B3GALT1: variants seen among roughly 807,000 people sequenced by gnomAD.
B3GALT1 encodes the protein beta-1,3-galactosyltransferase 1.
B3GALT1 carries 10 observed loss-of-function variants against 23.2 expected under a neutral mutation model. The observed-to-expected ratio is 0.43, with a 90% confidence interval of 0.27 to 0.73. The LOEUF (loss-of-function observed/expected upper bound fraction) is 0.73. Among genes scored for constraint, B3GALT1 ranks in the 30% least tolerant of loss-of-function variants. The pLI is 0.21. For synonymous variants in B3GALT1, 156 were observed against 141.5 expected (o/e 1.10, Z -0.73); for missense variants, 299 against 405.4 (o/e 0.74, Z 2.25).
chr2:167,773,593 T>A (rs1279715343), intron 3 of B3GALT1, among the ~76,000 whole-genome samples: 2 of 152,208 alleles, frequency 1.3e-5, no homozygotes, highest in Non-Finnish European at 2.9e-5. Flanking sequence ...TGGCAGACCC[T>A]TCAATTCTAC....
At chr2:167,724,326 C>G (rs1004178506) in intron 3 of B3GALT1, among the ~76,000 whole-genome samples, 1 of 152,198 alleles carries the variant, frequency 6.6e-6, no homozygotes, top group African/African-American at 2.4e-5. Context: ...CACATCAAAA[C>G]AAGTAAATAA....
intron 1 of B3GALT1, among the ~76,000 whole-genome samples, chr2:167,354,099 G>A (rs1016506592): frequency 2.6e-5 from 4 of 152,114 alleles, no homozygotes; most frequent in African/African-American, 7.2e-5. Context: ...TACCACTTAT[G>A]TGTCAGCTCC....
At chr2:167,523,468 C>T (rs910540595) in intron 2 of B3GALT1, among the ~76,000 whole-genome samples, 7 of 151,116 alleles carry the variant, frequency 4.6e-5, no homozygotes, top group Admixed American at 3.3e-4. Flanking sequence ...TCCTGTCACC[C>T]AGGCTGGAGT....
At chr2:167,583,394 A>T (rs902106261) in intron 2 of B3GALT1, among the ~76,000 whole-genome samples, 2 of 152,216 alleles carry the variant, frequency 1.3e-5, no homozygotes, top group African/African-American at 4.8e-5. Flanking sequence ...CATACGTTAA[A>T]GAAATTTAAG....
chr2:167,793,253 T>A (rs1022998495), intron 3 of B3GALT1, among the ~76,000 whole-genome samples: 17 of 152,226 alleles, frequency 1.1e-4, no homozygotes, highest in African/African-American at 3.4e-4. Flanking sequence ...GTGCACCTAG[T>A]GCTTCTTTTT....
At chr2:167,492,697 G>T (rs1427312465) in intron 2 of B3GALT1, among the ~76,000 whole-genome samples, 2 of 152,090 alleles carry the variant, frequency 1.3e-5, no homozygotes, top group Non-Finnish European at 2.9e-5. Flanking sequence ...GTTTTTCATG[G>T]TCTCATGTTC....
At chr2:167,743,164 A>G (rs1182874324) in intron 3 of B3GALT1, among the ~76,000 whole-genome samples, 2 of 152,086 alleles carry the variant, frequency 1.3e-5, no homozygotes, top group African/African-American at 4.8e-5. Context: ...TATTTACCCA[A>G]ACTCCTACTA....
chr2:167,821,227 T>C (rs1377660165), intron 4 of B3GALT1, among the ~76,000 whole-genome samples: 4 of 152,100 alleles, frequency 2.6e-5, no homozygotes, highest in East Asian at 3.9e-4. Context: ...TTTCTAATAT[T>C]CTGGCAACAG....
At chr2:167,555,023 G>GT (rs1399329301) in intron 2 of B3GALT1, among the ~76,000 whole-genome samples, 2 of 152,168 alleles carry the variant, frequency 1.3e-5, no homozygotes, top group Non-Finnish European at 2.9e-5. Flanking sequence ...CAGAAATGAC[G>GT]TATGTGCTGA....
chr2:167,473,498 A>T (rs1047051106), intron 1 of B3GALT1, among the ~76,000 whole-genome samples: 1 of 152,174 alleles, frequency 6.6e-6, no homozygotes, highest in African/African-American at 2.4e-5. Context: ...ACAGTGGATC[A>T]TTAGGAAGGT....
At chr2:167,395,530 C>G (rs1027161299) in intron 1 of B3GALT1, among the ~76,000 whole-genome samples, 8 of 152,094 alleles carry the variant, frequency 5.3e-5, no homozygotes, top group African/African-American at 1.9e-4. Context: ...AAGAATACAG[C>G]CCTGCTGACA....
chr2:167,523,601 T>A (rs1178591707), intron 2 of B3GALT1, among the ~76,000 whole-genome samples: 4 of 152,040 alleles, frequency 2.6e-5, no homozygotes, highest in Non-Finnish European at 5.9e-5. Context: ...AATTTTGTAT[T>A]TTTAGTAAAG....
chr2:167,329,224 G>T (rs1018145368), intron 1 of B3GALT1, among the ~76,000 whole-genome samples: 1 of 152,136 alleles, frequency 6.6e-6, no homozygotes, highest in South Asian at 2.1e-4. Flanking sequence ...TTTATTACAA[G>T]AATTTTTAAA....
At chr2:167,333,638 G>A (rs1018696173) in intron 1 of B3GALT1, among the ~76,000 whole-genome samples, 1 of 152,126 alleles carries the variant, frequency 6.6e-6, no homozygotes, top group African/African-American at 2.4e-5. Context: ...CAGTGTCAGG[G>A]AACTGTATAA....
At position 167,432,524 on chromosome 2, in the gene B3GALT1, T is replaced by C. The variant is rs756238726; in HGVS notation, c.-510-57653T>C. On this transcript the variant is annotated intron_variant, in intron 1 of 4. Coordinates refer to ENST00000392690, the MANE Select transcript of B3GALT1 (RefSeq NM_020981.4). ...CTCCACTCACTCGTCTTACTTACTA[T>C]GTGAACACATGAGAAGCAAGTCCTT... Among the ~76,000 whole-genome samples, 4 of 152,302 alleles carry C rather than the reference T, an allele frequency of 2.6e-5. No homozygotes were observed. The East Asian group carries it at 5.8e-4, about 22-fold the overall frequency.
At chr2:167,571,647 C>A (rs567472757) in intron 2 of B3GALT1, among the ~76,000 whole-genome samples, 1 of 151,940 alleles carries the variant, frequency 6.6e-6, no homozygotes, top group Admixed American at 6.6e-5. Flanking sequence ...GAGTTCCAAG[C>A]TATGGAACAA....
At chr2:167,396,433 C>G (rs1698096997) in intron 1 of B3GALT1, among the ~76,000 whole-genome samples, 1 of 151,336 alleles carries the variant, frequency 6.6e-6, no homozygotes, top group Non-Finnish European at 1.5e-5. Context: ...AAAATCTTTA[C>G]TATTTAGAAC....
At chr2:167,425,894 G>T (rs1012527518) in intron 1 of B3GALT1, among the ~76,000 whole-genome samples, 7 of 151,886 alleles carry the variant, frequency 4.6e-5, no homozygotes, top group Admixed American at 4.6e-4. Context: ...CTTAAAAGTC[G>T]AACTGAAAAA....
chr2:167,863,928 G>C (rs1030309871), intron 4 of B3GALT1, among the ~76,000 whole-genome samples: 1 of 151,690 alleles, frequency 6.6e-6, no homozygotes, highest in African/African-American at 2.4e-5. Context: ...TTGTTCTCAC[G>C]TCTGAAGACA....
Sources: allele counts gnomAD v4.1 joint callset (sites outside exome capture counted in the v4.1 genomes callset), GRCh38; gene constraint gnomAD v4.1.1; transcripts MANE v1.5; gene names NCBI Gene and HGNC (gene_info 2026-07-23, HGNC 2026-07-21).